Variants in GGTLC2 observed in about 807,000 individuals in gnomAD.
GGTLC2 encodes the protein glutathione hydrolase light chain 2.
In GGTLC2, 13 loss-of-function variants were observed where a neutral mutation model predicts 20.2. The ratio of observed to expected loss-of-function variants is 0.64; its 90% CI spans 0.42 to 1.02. The LOEUF (loss-of-function observed/expected upper bound fraction) is 1.02. Among genes scored for constraint, GGTLC2 ranks in the 50% least tolerant of loss-of-function variants. The pLI is 0.00. For missense variants in GGTLC2, 202 were observed against 301.3 expected, an observed-to-expected ratio of 0.67 and a Z score of 2.44; for synonymous variants, 89 against 125.5, an observed-to-expected ratio of 0.71 and a Z score of 1.94.
intron 5 of GGTLC2, 46 bp downstream of exon 5, chr22:22,647,336 G>A (rs1230692602): frequency 6.2e-7 from 1 of 1,606,466 alleles, no homozygotes; most frequent in African/African-American, 1.3e-5. Flanking sequence ...GGGGCCCCAG[G>A]GCATCCTGGG....
Position 22,647,050 on chromosome 22 carries a change from G to T in GGTLC2, c.360+12G>T, listed in dbSNP as rs141781442. ...GCCAGGACGGCCAGGTCCGGATGGT[G>T]GTGGGAGCTGCTGGGGGCACACAGA... On this transcript the variant is annotated intron_variant, in intron 4 of 5. Transcript: ENST00000448514. The T allele has an allele frequency of 0.096, 154,795 of 1,609,526 alleles. 10,955 individuals carry two copies. The highest frequency in any genetic ancestry group is 0.29 in the African/African-American group (21,443 of 74,692).
chr22:22,645,191 G>A (rs1377901992), intron 1 of GGTLC2, among the ~76,000 whole-genome samples: 1 of 151,550 alleles, frequency 6.6e-6, no homozygotes, highest in Admixed American at 6.6e-5. Context: ...TGGGATTACA[G>A]GCGTGAGCCA....
chr22:22,645,449 G>C (rs890838160), intron 1 of GGTLC2, among the ~76,000 whole-genome samples: 9 of 149,146 alleles, frequency 6.0e-5, no homozygotes, highest in Admixed American at 4.1e-4. Flanking sequence ...GTCTGATGAA[G>C]TATCCAAAAT....
rs4050596 is a variant in GGTLC2 at position 22,646,898 on chromosome 22, T to G, written c.304+17T>G. On this transcript the variant is annotated intron_variant, in intron 3 of 5. Transcript: ENST00000448514. ...TCCAGCCAGGTATGGGGTGGAGGTC[T>G]GGGGATGGGGGACTGGGGTGGAGAG... 105 of 1,405,736 alleles carry G rather than the reference T, an allele frequency of 7.5e-5. 1 individual carries two copies. The highest frequency in any genetic ancestry group is 1.5e-4 in the Admixed American group (8 of 53,236). The allele number at this position is 1,405,736 out of a possible 1,614,324, so 87.1% of individuals were successfully genotyped here.
chr22:22,645,094 G>C (rs1045747336), intron 1 of GGTLC2, among the ~76,000 whole-genome samples: 1 of 134,154 alleles, frequency 7.5e-6, no homozygotes, highest in Non-Finnish European at 1.5e-5. Context: ...GGGTTTCACC[G>C]TGTTAGCCAG....
Position 22,646,450 on chromosome 22 carries a change from G to C in GGTLC2, c.105G>C (p.Gly35=). The change falls in exon 2 of 6, where the codon GGG becomes GGC. Residue 35 remains glycine (G), a synonymous_variant. Coordinates refer to ENST00000448514, the MANE Select transcript of GGTLC2 (RefSeq NM_199127.3). ...CCGAGTTCTACACGCCGGTTGATGGGGGCACTGCTCACCTGTCTGTCGTCG... is the reference window on the plus strand; with the variant it reads ...CCGAGTTCTACACGCCGGTTGATGGCGGCACTGCTCACCTGTCTGTCGTCG... The part of the protein sequence containing the change: ...YKPEFYTPVD[G]GTAHLSVVAE... The C allele has an allele frequency of 6.5e-7, 1 of 1,530,674 alleles. No individual in the cohort carries two copies. The highest frequency in any genetic ancestry group is 8.9e-7 in the Non-Finnish European group (1 of 1,123,644). The allele number at this position is 1,530,674 out of a possible 1,614,324, so 94.8% of individuals were successfully genotyped here.
At chr22:22,647,567 C>T in intron 5 of GGTLC2, 28 bp from the exon 6 acceptor site, 1 of 1,594,268 alleles carries the variant, frequency 6.3e-7, no homozygotes, top group Non-Finnish European at 8.6e-7. Flanking sequence ...GAGCCCTGCT[C>T]AGGCTTCCCC....
rs528003668 is a variant in GGTLC2 at position 22,647,043 on chromosome 22, G to C, written c.360+5G>C. The C allele has an allele frequency of 1.9e-6, 3 of 1,611,614 alleles. No individual in the cohort carries two copies. Among genetic ancestry groups the C allele is most frequent in the Admixed American group, 1.7e-5 (1 of 59,982 alleles). ...ATGGTGGGCCAGGACGGCCAGGTCC[G>C]GATGGTGGTGGGAGCTGCTGGGGGC... On this transcript the variant is annotated splice_donor_5th_base_variant and intron_variant, in intron 4 of 5. Coordinates refer to ENST00000448514, the MANE Select transcript of GGTLC2 (RefSeq NM_199127.3).
rs1431894269 is a variant in GGTLC2, at chr22:22,645,031, T to C, written c.-35+323T>C. 9.0e-5 allele frequency among the ~76,000 whole-genome samples: 13 copies of C among 144,600 alleles called. No individual in the cohort carries two copies. The East Asian group carries it at 2.3e-3, about 25-fold the overall frequency. The allele number at this position is 144,600 out of a possible 152,430, so 94.9% of individuals were successfully genotyped here. A position where few individuals can be genotyped will look rare whatever the true frequency, so the allele number is the denominator to read the frequency against. On this transcript the variant is annotated intron_variant, in intron 1 of 5. Transcript: ENST00000448514. The stretch of plus-strand genomic sequence containing the variant: ...CCTCAGCCTCTGGAGTAGTTGGGAC[T>C]ACAGGCGCCCGCCACCACACCCGGC...
intron 1 of GGTLC2, among the ~76,000 whole-genome samples, chr22:22,645,809 C>T (rs1379462001): frequency 1.6e-4 from 24 of 151,372 alleles, no homozygotes; most frequent in African/African-American, 5.1e-4. Context: ...CCAGCCTATA[C>T]CACCTGCCTC....
chr22:22,646,933 T>C (rs2064118731), intron 3 of GGTLC2, 50 bp from the exon 4 acceptor site: 2 of 1,611,750 alleles, frequency 1.2e-6, no homozygotes, highest in African/African-American at 1.3e-5. Flanking sequence ...GGGGCGGGTG[T>C]CCTGGGCAGG....
intron 3 of GGTLC2, 32 bp from the exon 4 acceptor site, chr22:22,646,951 C>G (rs555310025): frequency 2.5e-6 from 4 of 1,611,734 alleles, no homozygotes; most frequent in Non-Finnish European, 3.4e-6. Flanking sequence ...AGGCAGCTGA[C>G]GGGCATCCCT....
chr22:22,646,879 C>G lies in GGTLC2; in HGVS notation c.302C>G (p.Pro101Arg), dbSNP rs765279908. ...VPPSPANFIQ[P>R]GKQPLSSMCP... Reference sequence around the variant, plus strand: ...CCCTCACCTGCCAATTTCATCCAGCCAGGTATGGGGTGGAGGTCTGGGGAT... The same window carrying G: ...CCCTCACCTGCCAATTTCATCCAGCGAGGTATGGGGTGGAGGTCTGGGGAT... Residue 101 changes from proline to arginine, a missense_variant and splice_region_variant, in exon 3 of 6, where the codon CCA becomes CGA. This residue lies in a region of GGTLC2 where 71 missense variants were observed against 63.0 expected (regional missense o/e 1.13). Coordinates refer to ENST00000448514, the MANE Select transcript of GGTLC2 (RefSeq NM_199127.3). 3 of 1,611,772 alleles carry G rather than the reference C, an allele frequency of 1.9e-6. No homozygotes were observed. In the Admixed American group the frequency reaches 5.0e-5, roughly 27 times the overall value.
chr22:22,647,137 A>G lies in GGTLC2; in HGVS notation c.361-4A>G, dbSNP rs1420303472. 6.2e-7 allele frequency: 1 copy of G among 1,611,596 alleles called. No homozygotes were observed. The highest frequency in any genetic ancestry group is 1.1e-5 in the South Asian group (1 of 90,964). On this transcript the variant is annotated splice_polypyrimidine_tract_variant and splice_region_variant and intron_variant, in intron 4 of 5. Coordinates refer to ENST00000448514, the MANE Select transcript of GGTLC2 (RefSeq NM_199127.3). ...TTCTCCCTGGCCGTGCCCACCCTGC[A>G]CAGCCCCCAAGCCATGCTGATCACA...
intron 2 of GGTLC2, 66 bp from the exon 3 acceptor site, chr22:22,646,688 G>A: frequency 6.3e-7 from 1 of 1,582,910 alleles, no homozygotes; most frequent in Non-Finnish European, 8.6e-7. Flanking sequence ...TTGAGCCTCA[G>A]TGGGTGGATA....
In GGTLC2 at chr22:22,647,164, T is replaced by G; in HGVS notation, c.384T>G (p.Thr128=). ...DGQPPSHADH[T]PMPQAIIYNL... ...AGCCCCCAAGCCATGCTGATCACAC[T>G]CCCATGCCCCAGGCCATCATCTACA... Residue 128 remains threonine (T), a synonymous_variant, in exon 5 of 6, where the codon ACT becomes ACG. Coordinates refer to ENST00000448514, the MANE Select transcript of GGTLC2 (RefSeq NM_199127.3). 2 of 1,611,374 alleles carry G rather than the reference T, an allele frequency of 1.2e-6. No homozygotes were observed. The highest frequency in any genetic ancestry group is 1.7e-6 in the Non-Finnish European group (2 of 1,179,718).
intron 1 of GGTLC2, among the ~76,000 whole-genome samples, chr22:22,645,715 A>G (rs2146241536): frequency 6.6e-6 from 1 of 151,502 alleles, no homozygotes; most frequent in African/African-American, 2.4e-5. Context: ...TATGGGACCT[A>G]GGAGGTCCTG....
At position 22,646,472 on chromosome 22, in the gene GGTLC2, G is replaced by C. The variant is rs556159666; in HGVS notation, c.127G>C (p.Val43Leu). Residue 43 changes from valine (V) to leucine (L), a missense_variant, in exon 2 of 6, where the codon GTC (valine) becomes CTC (leucine). Transcript: ENST00000448514. ...VDGGTAHLSV[V>L]AEDGSAVSAT... ...TGGGGGCACTGCTCACCTGTCTGTC[G>C]TCGCAGAGGACGGCAGTGCTGTGTC... is the stretch of plus-strand genomic sequence containing the variant. 3.9e-6 allele frequency: 6 copies of C among 1,553,480 alleles called. No homozygotes were observed. Among genetic ancestry groups the C allele is most frequent in the Non-Finnish European group, 5.2e-6 (6 of 1,143,132 alleles).
In GGTLC2 at chr22:22,646,998, C is replaced by G. The variant is rs146282307; in HGVS notation, c.320C>G (p.Ser107Trp). Residue 107 changes from serine to tryptophan, a missense_variant, in exon 4 of 6, where the codon TCG (serine) becomes TGG (tryptophan). By Grantham distance (177) the Ser-to-Trp change is radical. Transcript: ENST00000448514. ...TCGGCCACAGGGAAGCAGCCGCTCTCGTCAATGTGCCCGACGATCATGGTG... is the reference window on the plus strand; with the variant it reads ...TCGGCCACAGGGAAGCAGCCGCTCTGGTCAATGTGCCCGACGATCATGGTG... ...NFIQPGKQPL[S>W]SMCPTIMVGQ... 2 of 1,611,550 alleles carry G rather than the reference C, an allele frequency of 1.2e-6. No individual in the cohort carries two copies. Among genetic ancestry groups the G allele is most frequent in the Admixed American group, 1.7e-5 (1 of 59,938 alleles).
Sources: allele counts gnomAD v4.1 joint callset (sites outside exome capture counted in the v4.1 genomes callset), GRCh38; gene constraint gnomAD v4.1.1; regional missense constraint gnomAD v4.1.1; transcripts MANE v1.5; gene names NCBI Gene and HGNC (gene_info 2026-07-23, HGNC 2026-07-21).